The following MYO16 variants were observed in gnomAD, a reference collection of about 807,000 sequenced individuals.
MYO16 encodes the protein unconventional myosin-XVI.
In MYO16, 94 loss-of-function variants were observed where a neutral mutation model predicts 205.3. That is an observed-to-expected ratio of 0.46 (90% confidence interval 0.39 to 0.54). MYO16 has a LOEUF of 0.54. Among genes scored for constraint, MYO16 ranks in the 20% least tolerant of loss-of-function variants. The pLI is 0.00. For synonymous variants in MYO16, 988 were observed against 954.0 expected (o/e 1.04, Z -0.66); for missense variants, 2,315 against 2,387.5 (o/e 0.97, Z 0.63).
In MYO16 at chr13:108,961,491, C is replaced by T. The variant is rs1231188054; in HGVS notation, c.2038-48C>T. 5 of 1,500,306 alleles carry T rather than the reference C, an allele frequency of 3.3e-6. No homozygotes were observed. In the South Asian group the frequency reaches 3.4e-5, roughly 10 times the overall value. The allele number at this position is 1,500,306 out of a possible 1,614,324, so 92.9% of individuals were successfully genotyped here. On this transcript the variant is annotated intron_variant, in intron 17 of 34. Coordinates refer to ENST00000457511, the MANE Select transcript of MYO16 (RefSeq NM_001198950.3). ...ATATTTAAAAATTTTGCCTTTTAATCTTTCTTCTAAGCACCCTATTCATTC... is the reference window on the plus strand; with the variant it reads ...ATATTTAAAAATTTTGCCTTTTAATTTTTCTTCTAAGCACCCTATTCATTC...
At chr13:109,012,453 A>C (rs1243383196) in intron 22 of MYO16, among the ~76,000 whole-genome samples, 1 of 152,188 alleles carries the variant, frequency 6.6e-6, no homozygotes, top group East Asian at 1.9e-4. Flanking sequence ...ACTCCTTATG[A>C]GAATCGAATG....
chr13:109,055,234 A>G lies in MYO16; in HGVS notation c.3129+108A>G, dbSNP rs1170302351. ...TTTGACAACTTAAATATCTTCACAA[A>G]AAAAGTAAACATACACACACACACA... On this transcript the variant is annotated intron_variant, in intron 26 of 34. Coordinates refer to ENST00000457511, the MANE Select transcript of MYO16 (RefSeq NM_001198950.3). This position sits in a 1 kb window ranked among gnomAD's most constrained non-coding sequence, Gnocchi z 5.0. The G allele has an allele frequency of 2.0e-6, 2 of 1,025,330 alleles. No individual in the cohort carries two copies. The highest frequency in any genetic ancestry group is 4.0e-5 in the African/African-American group (2 of 50,208). 63.5% of individuals were successfully genotyped at this position (1,025,330 alleles called of 1,614,324 possible). A position where few individuals can be genotyped will look rare whatever the true frequency, so the allele number is the denominator to read the frequency against.
At chr13:108,605,801 C>T (rs550563960) in intron 1 of MYO16, among the ~76,000 whole-genome samples, 1 of 152,178 alleles carries the variant, frequency 6.6e-6, no homozygotes, top group East Asian at 1.9e-4. Flanking sequence ...TATAAAGTTA[C>T]CTGAAAATGT....
intron 28 of MYO16, among the ~76,000 whole-genome samples, chr13:109,118,312 C>A (rs888057891): frequency 2.6e-5 from 4 of 152,196 alleles, no homozygotes; most frequent in African/African-American, 9.7e-5. Flanking sequence ...ATCCCCAGAT[C>A]TAGCACAATG....
At chr13:109,168,613 G>T (rs895474981) in intron 33 of MYO16, among the ~76,000 whole-genome samples, 1 of 151,928 alleles carries the variant, frequency 6.6e-6, no homozygotes, top group African/African-American at 2.4e-5. Flanking sequence ...TAATCCCGGC[G>T]ACTCGGAAAG....
intron 27 of MYO16, among the ~76,000 whole-genome samples, chr13:109,091,803 T>C (rs1888632865): frequency 6.6e-6 from 1 of 152,242 alleles, no homozygotes; most frequent in African/African-American, 2.4e-5. Context: ...TCAGTCTTTC[T>C]GGAAGAGCAC....
intron 1 of MYO16, among the ~76,000 whole-genome samples, chr13:108,598,698 A>T (rs1487060861): frequency 6.6e-6 from 1 of 152,140 alleles, no homozygotes; most frequent in Non-Finnish European, 1.5e-5. Flanking sequence ...GATGAGTATG[A>T]TCTCCTCTCG....
intron 16 of MYO16, among the ~76,000 whole-genome samples, chr13:108,950,166 C>A (rs1348998867): frequency 6.6e-6 from 1 of 151,984 alleles, no homozygotes; most frequent in Non-Finnish European, 1.5e-5. Flanking sequence ...AAATCATAAT[C>A]CACATTAGGA....
intron 4 of MYO16, among the ~76,000 whole-genome samples, chr13:108,732,705 G>T (rs1277445187): frequency 6.6e-6 from 1 of 152,192 alleles, no homozygotes; most frequent in African/African-American, 2.4e-5. Context: ...AAGAAGTGAC[G>T]TGATGGCTTC....
chr13:108,940,623 AATTAT>A (rs1430562685), intron 16 of MYO16, among the ~76,000 whole-genome samples: 1 of 152,202 alleles, frequency 6.6e-6, no homozygotes, highest in Non-Finnish European at 1.5e-5. Context: ...TTGTAATAAT[AATTAT>A]ATTATGTAAT....
At chr13:108,945,247 A>AT (rs758700857) in intron 16 of MYO16, among the ~76,000 whole-genome samples, 37 of 152,124 alleles carry the variant, frequency 2.4e-4, no homozygotes, top group Non-Finnish European at 5.1e-4. Context: ...CTTTCCATTA[A>AT]TTTTTTAATG....
chr13:108,899,988 C>T (rs990884443), intron 15 of MYO16, among the ~76,000 whole-genome samples: 5 of 152,124 alleles, frequency 3.3e-5, no homozygotes, highest in Non-Finnish European at 7.3e-5. Flanking sequence ...GCAGGCCATT[C>T]GTGTTTATGC....
At position 109,140,731 on chromosome 13, in the gene MYO16, C is replaced by G. The variant is rs761324996; in HGVS notation, c.4519C>G (p.Leu1507Val). Residue 1507 changes from leucine to valine, a missense_variant, in exon 32 of 35, where the codon CTG (leucine) becomes GTG (valine). Leu to Val is a conservative substitution (Grantham distance 32). Around this residue, in one of 3 missense-constraint regions of MYO16, gnomAD observed 1,097 missense variants for 1,092.0 expected, o/e 1.00. Transcript: ENST00000457511. The surrounding 1 kb of genome is among the most constrained non-coding windows in gnomAD (Gnocchi z 8.0). ...CGACATCCCGCCGCCCTTCCCCAAC[C>G]TGCTGCCGCACCGGCCGCCCCTGCT... ...ACDIPPPFPN[L>V]LPHRPPLLVF... 1 of 1,516,356 alleles carries G rather than the reference C, an allele frequency of 6.6e-7. No homozygotes were observed. Among genetic ancestry groups the G allele is most frequent in the Non-Finnish European group, 8.8e-7 (1 of 1,133,278 alleles). The allele number at this position is 1,516,356 out of a possible 1,614,324, so 93.9% of individuals were successfully genotyped here. A position where few individuals can be genotyped will look rare whatever the true frequency, so the allele number is the denominator to read the frequency against.
chr13:108,843,498 G>A (rs1877353940), intron 9 of MYO16, among the ~76,000 whole-genome samples: 1 of 74,714 alleles, frequency 1.3e-5, no homozygotes, highest in Non-Finnish European at 2.9e-5. Context: ...CAAACAAATA[G>A]AAGTTTAAAA....
chr13:108,805,784 A>C (rs984243105), intron 6 of MYO16, among the ~76,000 whole-genome samples: 3 of 151,926 alleles, frequency 2.0e-5, no homozygotes, highest in African/African-American at 7.3e-5. Context: ...GATTCCATTA[A>C]AAAACTAATC....
At chr13:108,967,214 A>T (rs938777520) in intron 20 of MYO16, among the ~76,000 whole-genome samples, 3 of 151,976 alleles carry the variant, frequency 2.0e-5, no homozygotes, top group African/African-American at 7.3e-5. Context: ...GAGAGAATAA[A>T]TATCACTACA....
Position 108,629,793 on chromosome 13 carries a change from G to C in MYO16, c.-52G>C. The C allele has an allele frequency of 6.6e-7, 1 of 1,506,208 alleles. No homozygotes were observed. 93.3% of individuals were successfully genotyped at this position (1,506,208 alleles called of 1,614,324 possible). A position where few individuals can be genotyped will look rare whatever the true frequency, so the allele number is the denominator to read the frequency against. The stretch of plus-strand genomic sequence containing the variant: ...TGCATTTCCTGGGAACGACAGTTGT[G>C]ACAGAAGAGAATGCTGGAACCCGTA... On this transcript the variant is annotated 5_prime_UTR_variant, in exon 1 of 35. Coordinates refer to ENST00000457511, the MANE Select transcript of MYO16 (RefSeq NM_001198950.3).
chr13:109,191,698 A>C (rs2139946223), intron 34 of MYO16, among the ~76,000 whole-genome samples: 1 of 152,302 alleles, frequency 6.6e-6, no homozygotes, highest in South Asian at 2.1e-4. Context: ...TTGTCACTAG[A>C]TGTTCAAGTG....
intron 27 of MYO16, among the ~76,000 whole-genome samples, chr13:109,077,172 A>G (rs746773222): frequency 6.6e-6 from 1 of 151,946 alleles, no homozygotes. Context: ...GACATGCACA[A>G]CCATGCCCAG....
Sources: allele counts gnomAD v4.1 joint callset (sites outside exome capture counted in the v4.1 genomes callset), GRCh38; gene constraint gnomAD v4.1.1; regional missense constraint gnomAD v4.1.1; non-coding constraint Gnocchi (gnomAD v3.1); transcripts MANE v1.5; gene names NCBI Gene and HGNC (gene_info 2026-07-23, HGNC 2026-07-21).